The following CNTNAP2 variants were observed in gnomAD, a reference collection of about 807,000 sequenced individuals.
CNTNAP2 encodes contactin-associated protein-like 2.
In CNTNAP2, 98 loss-of-function variants were observed where a neutral mutation model predicts 155.2. That is an observed-to-expected ratio of 0.63 (90% CI 0.54 to 0.75). CNTNAP2 has a LOEUF of 0.75. Among genes scored for constraint, CNTNAP2 ranks in the 30% least tolerant of loss-of-function variants. The pLI, the probability that CNTNAP2 is intolerant of heterozygous loss-of-function variation, is 0.00. For synonymous variants in CNTNAP2, 651 were observed against 631.2 expected, an observed-to-expected ratio of 1.03 and a Z score of -0.47; for missense variants, 1,727 against 1,688.1, an observed-to-expected ratio of 1.02 and a Z score of -0.40.
chr7:146,694,976 G>A (rs547401710), intron 1 of CNTNAP2, among the ~76,000 whole-genome samples: 20 of 152,104 alleles, frequency 1.3e-4, no homozygotes, highest in South Asian at 1.2e-3. Context: ...AATTGTTCCT[G>A]GAACTTCTTT....
intron 12 of CNTNAP2, among the ~76,000 whole-genome samples, chr7:147,631,040 T>A (rs910599626): frequency 6.6e-6 from 1 of 152,050 alleles, no homozygotes; most frequent in Non-Finnish European, 1.5e-5. Context: ...AGTTGTGCTG[T>A]TCACAGATGA....
chr7:146,342,350 G>GTCAGATC (rs1317987874), intron 1 of CNTNAP2, among the ~76,000 whole-genome samples: 2 of 152,116 alleles, frequency 1.3e-5, no homozygotes, highest in African/African-American at 4.8e-5. Context: ...GATGTCAGAT[G>GTCAGATC]CCAACATCAA....
At chr7:147,949,338 G>A (rs1474937199) in intron 14 of CNTNAP2, among the ~76,000 whole-genome samples, 1 of 151,720 alleles carries the variant, frequency 6.6e-6, no homozygotes, top group African/African-American at 2.4e-5. Context: ...AAGAAGAGAC[G>A]AGGTTGGTCT....
rs542542490 is a variant in CNTNAP2, at chr7:146,392,309, T to TGATGTAATATCATTGAGAAGTATCAGAAA, written c.97+275338_97+275366dup. Among the ~76,000 whole-genome samples, 1,001 of 152,238 alleles carry TGATGTAATATCATTGAGAAGTATCAGAAA rather than the reference T, an allele frequency of 6.6e-3. 16 individuals carry two copies. Among genetic ancestry groups the TGATGTAATATCATTGAGAAGTATCAGAAA allele is most frequent in the African/African-American group, 0.023 (954 of 41,536 alleles). Reference sequence around the variant, plus strand: ...GTAATATTATCTTCATAATGATCAATGATGTAATATCATTGAGAAGTATCA... The same window carrying TGATGTAATATCATTGAGAAGTATCAGAAA: ...GTAATATTATCTTCATAATGATCAATGATGTAATATCATTGAGAAGTATCAGAAAGATGTAATATCATTGAGAAGTATCA... On this transcript the variant is annotated intron_variant, in intron 1 of 23. Transcript: ENST00000361727.
intron 1 of CNTNAP2, among the ~76,000 whole-genome samples, chr7:146,172,086 TG>T (rs147032939): frequency 0.014 from 2,119 of 146,690 alleles, 46 homozygotes; most frequent in African/African-American, 0.049. Context: ...ATATTTACTT[TG>T]GAAGTTTCTT....
chr7:146,935,139 T>A (rs1269116685), intron 3 of CNTNAP2, among the ~76,000 whole-genome samples: 1 of 152,176 alleles, frequency 6.6e-6, no homozygotes, highest in Non-Finnish European at 1.5e-5. Flanking sequence ...GGGAAGTTTC[T>A]CCTCAGAAGA....
chr7:147,102,687 G>T (rs1318209182), intron 4 of CNTNAP2, among the ~76,000 whole-genome samples: 1 of 152,140 alleles, frequency 6.6e-6, no homozygotes, highest in Non-Finnish European at 1.5e-5. Context: ...TAAAGGATCT[G>T]GAGAAGGCTC....
At chr7:147,563,608 A>T (rs1410883738) in intron 12 of CNTNAP2, among the ~76,000 whole-genome samples, 1 of 145,036 alleles carries the variant, frequency 6.9e-6, no homozygotes, top group African/African-American at 2.6e-5. Context: ...CAGCTTGGTG[A>T]CAGAGCAAGA....
chr7:146,947,825 G>A (rs1406499087), intron 3 of CNTNAP2, among the ~76,000 whole-genome samples: 2 of 151,654 alleles, frequency 1.3e-5, no homozygotes, highest in Non-Finnish European at 2.9e-5. Context: ...AGGATCACTT[G>A]AACCTATTAC....
intron 10 of CNTNAP2, among the ~76,000 whole-genome samples, chr7:147,477,848 T>C (rs1354607318): frequency 6.6e-6 from 1 of 152,202 alleles, no homozygotes; most frequent in Non-Finnish European, 1.5e-5. Flanking sequence ...GTTTACACCG[T>C]AGGTACTCAA....
At chr7:146,934,023 G>A (rs901507564) in intron 3 of CNTNAP2, among the ~76,000 whole-genome samples, 1 of 152,182 alleles carries the variant, frequency 6.6e-6, no homozygotes, top group Non-Finnish European at 1.5e-5. Context: ...CCTTGTGGAA[G>A]TCAGTGTGGC....
At chr7:146,821,120 T>C (rs908320651) in intron 2 of CNTNAP2, among the ~76,000 whole-genome samples, 11 of 152,176 alleles carry the variant, frequency 7.2e-5, no homozygotes, top group African/African-American at 2.7e-4. Flanking sequence ...CTTTATCCAA[T>C]TTGCCAGTCT....
chr7:147,486,619 A>G (rs1404588943), intron 11 of CNTNAP2, among the ~76,000 whole-genome samples: 1 of 152,184 alleles, frequency 6.6e-6, no homozygotes, highest in Admixed American at 6.5e-5. Context: ...TGGCAAAAAT[A>G]AAAAGTAACA....
At chr7:147,931,803 A>G (rs1309115239) in intron 14 of CNTNAP2, among the ~76,000 whole-genome samples, 2 of 152,230 alleles carry the variant, frequency 1.3e-5, no homozygotes, top group Non-Finnish European at 2.9e-5. Context: ...TAAAATGTCC[A>G]TACTACCCAA....
intron 4 of CNTNAP2, among the ~76,000 whole-genome samples, chr7:147,062,076 C>T (rs1257963712): frequency 4.2e-4 from 54 of 127,168 alleles, no homozygotes; most frequent in Admixed American, 1.1e-3. Flanking sequence ...TGCAGTGAGC[C>T]GAGATCGCAC....
At chr7:146,659,633 G>A (rs567905410) in intron 1 of CNTNAP2, among the ~76,000 whole-genome samples, 1 of 152,142 alleles carries the variant, frequency 6.6e-6, no homozygotes, top group Non-Finnish European at 1.5e-5. Context: ...ATAACAAAAT[G>A]TGTTTAAAGA....
chr7:148,406,312 C>T (rs986529764), intron 22 of CNTNAP2, among the ~76,000 whole-genome samples: 1 of 152,028 alleles, frequency 6.6e-6, no homozygotes, highest in African/African-American at 2.4e-5. Context: ...GAAATTTCTG[C>T]GTTTATCAAA....
At chr7:147,849,293 A>T (rs1056730740) in intron 13 of CNTNAP2, among the ~76,000 whole-genome samples, 1 of 152,240 alleles carries the variant, frequency 6.6e-6, no homozygotes, top group African/African-American at 2.4e-5. Context: ...ATGAATGTTA[A>T]TATACCAACA....
intron 10 of CNTNAP2, among the ~76,000 whole-genome samples, chr7:147,436,608 A>G (rs1797551372): frequency 1.3e-5 from 2 of 152,330 alleles, no homozygotes; most frequent in Admixed American, 6.5e-5. Context: ...CTATTGTAAC[A>G]GAAGAGAGAG....
Sources: gnomAD v4.1 joint callset for allele counts (sites outside exome capture counted in the v4.1 genomes callset) on GRCh38, gnomAD v4.1.1 for gene constraint, MANE v1.5 for transcripts, NCBI Gene and HGNC (gene_info 2026-07-23, HGNC 2026-07-21) for gene names.